Variants in UGT2B7 observed in about 807,000 individuals in gnomAD.
The protein encoded by UGT2B7 is UDP glucuronosyltransferase family 2 member B7.
UGT2B7 carries 51 observed loss-of-function variants against 51.9 expected under a neutral mutation model. The observed-to-expected ratio is 0.98, with a 90% CI of 0.78 to 1.24. The LOEUF is 1.24. Ranked by LOEUF, UGT2B7 falls within the 50% of genes most tolerant of loss-of-function variation. UGT2B7 has a pLI of 0.00. For synonymous variants in UGT2B7, 225 were observed against 211.6 expected (o/e 1.06, Z -0.55); for missense variants, 727 against 628.4 (o/e 1.16, Z -1.68).
chr4:69,060,321 C>A (rs1240074891), intron 1 of UGT2B7, among the ~76,000 whole-genome samples: 3 of 152,232 alleles, frequency 2.0e-5, no homozygotes, highest in African/African-American at 7.2e-5. Context: ...CATTTGTACA[C>A]TTCCTACTCC....
Position 69,096,569 on chromosome 4 carries a change from T to G in UGT2B7, c.49T>G (p.Cys17Gly). The G allele has an allele frequency of 1.2e-6, 2 of 1,614,008 alleles. No individual in the cohort carries two copies. The highest frequency in any genetic ancestry group is 1.7e-6 in the Non-Finnish European group (2 of 1,179,896). Residue 17 changes from cysteine (C) to glycine (G), a missense_variant, in exon 1 of 6, where the codon TGC (cysteine) becomes GGC (glycine). Cys to Gly is a radical substitution (Grantham distance 159). Coordinates refer to ENST00000305231, the MANE Select transcript of UGT2B7 (RefSeq NM_001074.4). ...AATTTTGCTAATACAACTGAGCTTTTGCTTTAGCTCTGGGAATTGTGGAAA... is the reference window on the plus strand; with the variant it reads ...AATTTTGCTAATACAACTGAGCTTTGGCTTTAGCTCTGGGAATTGTGGAAA... ...SVILLIQLSF[C>G]FSSGNCGKVL...
chr4:69,099,257 CAA>C (rs58121670), intron 2 of UGT2B7, among the ~76,000 whole-genome samples: 27 of 105,720 alleles, frequency 2.6e-4, no homozygotes, highest in African/African-American at 6.8e-4. Flanking sequence ...GAGAGACAGA[CAA>C]AAAAAAAAAA....
chr4:69,103,827 T>C (rs996352615), intron 3 of UGT2B7, among the ~76,000 whole-genome samples: 3 of 152,160 alleles, frequency 2.0e-5, no homozygotes, highest in African/African-American at 7.2e-5. Context: ...ATAAAATACG[T>C]GACAACAAAT....
intron 1 of UGT2B7, among the ~76,000 whole-genome samples, chr4:69,083,437 T>C (rs989433707): frequency 6.6e-6 from 1 of 151,990 alleles, no homozygotes; most frequent in Non-Finnish European, 1.5e-5. Context: ...ATATTTCTGA[T>C]TCATAGGAGC....
chr4:69,092,097 G>T (rs958157361), upstream of UGT2B7, among the ~76,000 whole-genome samples: 1 of 151,974 alleles, frequency 6.6e-6, no homozygotes, highest in African/African-American at 2.4e-5. Flanking sequence ...CAGCACACCT[G>T]GTCAATTTTT....
At chr4:69,070,437 G>GA (rs35601781) in intron 1 of UGT2B7, among the ~76,000 whole-genome samples, 61,981 of 140,052 alleles carry the variant, frequency 0.44, 14,786 homozygotes, top group African/African-American at 0.65. Context: ...GTCCCTGTCA[G>GA]AAAAAAAAAA....
intron 1 of UGT2B7, among the ~76,000 whole-genome samples, chr4:69,052,762 G>T (rs112035404): frequency 6.6e-6 from 1 of 151,940 alleles, no homozygotes; most frequent in Non-Finnish European, 1.5e-5. Context: ...TATGCAAAAA[G>T]GTTTTATAAT....
intron 1 of UGT2B7, among the ~76,000 whole-genome samples, chr4:69,055,680 G>A (rs949222555): frequency 1.4e-4 from 22 of 152,256 alleles, no homozygotes; most frequent in African/African-American, 4.8e-4. Flanking sequence ...TGGAAAAACC[G>A]TAACAGGAGA....
At chr4:69,063,093 G>T (rs1718385401) in intron 1 of UGT2B7, among the ~76,000 whole-genome samples, 1 of 146,236 alleles carries the variant, frequency 6.8e-6, no homozygotes, top group South Asian at 2.1e-4. Flanking sequence ...GCCGAGGCGG[G>T]CGGATCACGA....
chr4:69,062,294 A>C (rs1408965886), intron 1 of UGT2B7, among the ~76,000 whole-genome samples: 1 of 152,182 alleles, frequency 6.6e-6, no homozygotes, highest in African/African-American at 2.4e-5. Flanking sequence ...ACCCCCAATC[A>C]TAAGTCAGAT....
At chr4:69,073,196 A>C (rs1718636473) in intron 1 of UGT2B7, among the ~76,000 whole-genome samples, 1 of 152,100 alleles carries the variant, frequency 6.6e-6, no homozygotes, top group Non-Finnish European at 1.5e-5. Context: ...CTCTATTCAT[A>C]CTCCCAACAA....
chr4:69,061,847 C>T (rs952604509), intron 1 of UGT2B7, among the ~76,000 whole-genome samples: 8 of 152,072 alleles, frequency 5.3e-5, no homozygotes, highest in East Asian at 3.9e-4. Context: ...TGGACTTCTC[C>T]GAATTGCCCC....
intron 1 of UGT2B7, among the ~76,000 whole-genome samples, chr4:69,081,565 C>A (rs539369521): frequency 6.6e-6 from 1 of 152,198 alleles, no homozygotes; most frequent in South Asian, 2.1e-4. Context: ...CAAAATTTTT[C>A]TTTTATAATC....
chr4:69,077,830 T>G (rs12499192), intron 1 of UGT2B7, among the ~76,000 whole-genome samples: 22,894 of 152,154 alleles, frequency 0.15, 2,031 homozygotes, highest in Admixed American at 0.27. Context: ...ATAGAAGTGG[T>G]GAGAGAGGGC....
At position 69,111,413 on chromosome 4, in the gene UGT2B7, T is replaced by C. The variant is rs183792730; in HGVS notation, c.1311-1044T>C. Among the ~76,000 whole-genome samples, 10 of 152,258 alleles carry C rather than the reference T, an allele frequency of 6.6e-5. No homozygotes were observed. The East Asian group carries it at 1.2e-3, about 18-fold the overall frequency. On this transcript the variant is annotated intron_variant, in intron 5 of 5. Transcript: ENST00000305231. The stretch of plus-strand genomic sequence containing the variant: ...AAGAGTAATGTAGAAGCAAAGTGAC[T>C]AGCTATGAGGCACGTCACTCACCAT...
chr4:69,086,087 G>A (rs1393874754), intron 1 of UGT2B7, among the ~76,000 whole-genome samples: 1 of 151,250 alleles, frequency 6.6e-6, no homozygotes, highest in Non-Finnish European at 1.5e-5. Context: ...GGTACTATAG[G>A]TTGTTTATTT....
chr4:69,063,092 G>A (rs1437420983), intron 1 of UGT2B7, among the ~76,000 whole-genome samples: 2 of 146,130 alleles, frequency 1.4e-5, no homozygotes, highest in Admixed American at 7.2e-5. Context: ...GGCCGAGGCG[G>A]GCGGATCACG....
At position 69,108,310 on chromosome 4, in the gene UGT2B7, T is replaced by C. The variant is rs1258520160; in HGVS notation, c.1298T>C (p.Ile433Thr). 1.7e-5 allele frequency: 28 copies of C among 1,613,310 alleles called. No individual in the cohort carries two copies. The highest frequency in any genetic ancestry group is 2.3e-5 in the Non-Finnish European group (27 of 1,179,496). ...TTGCTGAATGCATTGAAGAGAGTAA[T>C]TAATGATCCTTCGTGAGTAGAACAA... The part of the protein sequence containing the change: ...TDLLNALKRV[I>T]NDPSYKENVM... The change falls in exon 5 of 6, where the codon ATT becomes ACT. Residue 433 changes from isoleucine to threonine, a missense_variant. By Grantham distance (89) the Ile-to-Thr change is moderately conservative. Coordinates refer to ENST00000305231, the MANE Select transcript of UGT2B7 (RefSeq NM_001074.4).
Position 69,097,017 on chromosome 4 carries a change from T to A in UGT2B7, c.497T>A (p.Ile166Lys). 1 of 1,613,852 alleles carries A rather than the reference T, an allele frequency of 6.2e-7. No homozygotes were observed. ...GAGCTGCTGGCTGAGCTATTTAACA[T>A]ACCCTTTGTGTACAGTCTCAGCTTC... ...CSELLAELFN[I>K]PFVYSLSFSP... is the part of the protein sequence containing the mutation. The change falls in exon 1 of 6, where the codon ATA becomes AAA. Residue 166 changes from isoleucine (I) to lysine (K), a missense_variant. Physicochemically the swap from Ile to Lys is moderately radical, Grantham distance 102 (BLOSUM62 -3). Transcript: ENST00000305231.
Sources: allele counts gnomAD v4.1 joint callset (sites outside exome capture counted in the v4.1 genomes callset), GRCh38; gene constraint gnomAD v4.1.1; transcripts MANE v1.5; gene names NCBI Gene and HGNC (gene_info 2026-07-23, HGNC 2026-07-21).